PON2: variants seen among roughly 807,000 people sequenced by gnomAD.
The protein encoded by PON2 is serum paraoxonase/arylesterase 2.
In PON2, 27 loss-of-function variants were observed where a neutral mutation model predicts 36.6. The observed-to-expected ratio is 0.74, with a 90% CI of 0.54 to 1.02. PON2 has a LOEUF of 1.02. PON2 is among the 50% of genes least tolerant of loss of function. PON2 has a pLI of 0.00. For missense variants in PON2, 363 were observed against 421.1 expected, an observed-to-expected ratio of 0.86 and a Z score of 1.21; for synonymous variants, 149 against 156.3, an observed-to-expected ratio of 0.95 and a Z score of 0.35.
chr7:95,432,186 C>G (rs944772758), intron 1 of PON2, among the ~76,000 whole-genome samples: 1 of 152,130 alleles, frequency 6.6e-6, no homozygotes, highest in Non-Finnish European at 1.5e-5. Context: ...GAGGCAGGAG[C>G]ATCACTTGAG....
At chr7:95,406,328 T>C in intron 7 of PON2, 81 bp from the exon 8 acceptor site, 1 of 1,420,580 alleles carries the variant, frequency 7.0e-7, no homozygotes. Context: ...CCTGCCTCTA[T>C]GCATGTGAGG....
intron 8 of PON2, 142 bp downstream of exon 8, chr7:95,405,977 A>T: frequency 2.3e-6 from 2 of 887,904 alleles, no homozygotes; most frequent in South Asian, 1.6e-5. Flanking sequence ...TTATTGGCTT[A>T]ACGCAATTAC....
chr7:95,413,516 A>G (rs1585750576), intron 3 of PON2, among the ~76,000 whole-genome samples: 1 of 152,290 alleles, frequency 6.6e-6, no homozygotes, highest in Non-Finnish European at 1.5e-5. Flanking sequence ...GTTTGCTTGG[A>G]ACTTTAGGAA....
At chr7:95,423,118 G>C (rs1789231350) in intron 2 of PON2, among the ~76,000 whole-genome samples, 1 of 151,964 alleles carries the variant, frequency 6.6e-6, no homozygotes, top group South Asian at 2.1e-4. Context: ...GAGGCCAGGA[G>C]TTCAAGACCA....
At chr7:95,427,249 G>A (rs148816945) in intron 1 of PON2, among the ~76,000 whole-genome samples, 8 of 152,074 alleles carry the variant, frequency 5.3e-5, no homozygotes, top group African/African-American at 1.7e-4. Context: ...TTTTTCCCTG[G>A]CAGAACAATC....
At chr7:95,420,170 C>T (rs1171847968) in intron 2 of PON2, among the ~76,000 whole-genome samples, 2 of 152,032 alleles carry the variant, frequency 1.3e-5, no homozygotes, top group Non-Finnish European at 2.9e-5. Flanking sequence ...TTCCTTTTCT[C>T]CCATCAGTAG....
At chr7:95,411,087 A>C (rs189594808) in intron 5 of PON2, among the ~76,000 whole-genome samples, 1 of 152,326 alleles carries the variant, frequency 6.6e-6, no homozygotes, top group Non-Finnish European at 1.5e-5. Context: ...GTGGGGGTAC[A>C]CATGATTCTC....
chr7:95,413,855 G>C (rs1788997623), intron 3 of PON2, among the ~76,000 whole-genome samples: 1 of 152,146 alleles, frequency 6.6e-6, no homozygotes, highest in African/African-American at 2.4e-5. Context: ...GGCAAGCCTG[G>C]TAAGTAGAAC....
At chr7:95,425,748 A>G (rs935407566) in intron 1 of PON2, among the ~76,000 whole-genome samples, 6 of 152,196 alleles carry the variant, frequency 3.9e-5, no homozygotes, top group African/African-American at 1.4e-4. Context: ...GGCAATTCAT[A>G]TCAGACATAA....
At chr7:95,418,201 A>C (rs1789115454) in intron 2 of PON2, 1 of 152,194 alleles carries the variant, frequency 6.6e-6, no homozygotes. Flanking sequence ...ATGCTAGAGA[A>C]ATTTTTGCTC....
At chr7:95,413,278 G>A (rs1788983115) in intron 3 of PON2, among the ~76,000 whole-genome samples, 1 of 152,138 alleles carries the variant, frequency 6.6e-6, no homozygotes, top group Admixed American at 6.6e-5. Context: ...ATCAGCCTGG[G>A]CAATTGAGCC....
intron 2 of PON2, among the ~76,000 whole-genome samples, chr7:95,422,951 G>A (rs936257665): frequency 6.6e-6 from 1 of 152,138 alleles, no homozygotes; most frequent in Non-Finnish European, 1.5e-5. Flanking sequence ...GTTACATTGT[G>A]GCAGAATAGA....
chr7:95,416,394 T>C, intron 2 of PON2, 97 bp from the exon 3 acceptor site: 1 of 1,344,100 alleles, frequency 7.4e-7, no homozygotes, highest in Non-Finnish European at 1.1e-6. Flanking sequence ...AGAGTGACTG[T>C]ATCTTTAGGG....
At chr7:95,423,040 T>A (rs962064896) in intron 2 of PON2, among the ~76,000 whole-genome samples, 1 of 152,150 alleles carries the variant, frequency 6.6e-6, no homozygotes, top group African/African-American at 2.4e-5. Context: ...AAAGCCAATA[T>A]TGGCTGGGCT....
Position 95,418,461 on chromosome 7 carries a change from C to T in PON2, c.146-2164G>A, listed in dbSNP as rs1205487082. On this transcript the variant is annotated intron_variant, in intron 2 of 8. Transcript: ENST00000222572. ...TTTAATGAATTTCCTCTCTCAGAAA[C>T]ATCCCCTGATTCCTCTGTAAAGCCA... 8 of 152,166 alleles carry T rather than the reference C, an allele frequency of 5.3e-5. No homozygotes were observed. In the East Asian group the frequency reaches 1.5e-3, roughly 29 times the overall value. The allele number at this position is 152,166 out of a possible 1,614,324, so 9.4% of individuals were successfully genotyped here.
chr7:95,428,525 T>C (rs763178039), intron 1 of PON2, among the ~76,000 whole-genome samples: 4 of 152,260 alleles, frequency 2.6e-5, no homozygotes, highest in Admixed American at 6.5e-5. Context: ...ATAGAAATTA[T>C]AGATACTTTT....
rs763075415 is a variant in PON2, at chr7:95,406,152, G to A, written c.873C>T (p.Phe291=). 1.3e-5 allele frequency: 21 copies of A among 1,613,650 alleles called. No homozygotes were observed. Among genetic ancestry groups the A allele is most frequent in the East Asian group, 4.5e-5 (2 of 44,868 alleles). Residue 291 remains phenylalanine (F), a synonymous_variant, in exon 8 of 9, where the codon TTC becomes TTT. Transcript: ENST00000222572. ...AGGGAGGATTGTTCGGGTCATACAC[G>A]AAGAGCTTCTGGCCATTAGGATGAC... ...VGCHPNGQKL[F]VYDPNNPPSS...
chr7:95,408,748 G>A (rs1809776375), intron 6 of PON2, among the ~76,000 whole-genome samples: 1 of 152,204 alleles, frequency 6.6e-6, no homozygotes, highest in Non-Finnish European at 1.5e-5. Context: ...TGCTGAGGCA[G>A]TAGATAAGAA....
At chr7:95,415,449 A>C (rs1006692033) in intron 3 of PON2, among the ~76,000 whole-genome samples, 4 of 152,228 alleles carry the variant, frequency 2.6e-5, no homozygotes, top group Non-Finnish European at 4.4e-5. Flanking sequence ...ATGACTTTCC[A>C]CTTATGATTG....
Sources: allele counts gnomAD v4.1 joint callset (sites outside exome capture counted in the v4.1 genomes callset), GRCh38; gene constraint gnomAD v4.1.1; transcripts MANE v1.5; gene names NCBI Gene and HGNC (gene_info 2026-07-23, HGNC 2026-07-21).